DGKD: variants seen among roughly 807,000 people sequenced by gnomAD.
DGKD encodes the protein DAG kinase delta.
A neutral mutation model predicts 154.4 loss-of-function variants in DGKD; 68 were observed. The observed-to-expected ratio is 0.44, with a 90% CI of 0.36 to 0.54. DGKD has a LOEUF of 0.54. DGKD is among the 20% of genes least tolerant of loss of function. The pLI, the probability that DGKD is intolerant of heterozygous loss-of-function variation, is 0.00. For missense variants in DGKD, 1,343 were observed against 1,593.6 expected (o/e 0.84, Z 2.68); for synonymous variants, 693 against 638.0 (o/e 1.09, Z -1.30).
At chr2:233,369,119 C>G (rs901735751) in intron 1 of DGKD, among the ~76,000 whole-genome samples, 1 of 152,204 alleles carries the variant, frequency 6.6e-6, no homozygotes, top group Non-Finnish European at 1.5e-5. Flanking sequence ...GTCTCTGCCT[C>G]TCATATTGCA....
Position 233,441,265 on chromosome 2 carries a change from C to T in DGKD, c.1086-622C>T, listed in dbSNP as rs180835048. Among the ~76,000 whole-genome samples, 7 of 152,192 alleles carry T rather than the reference C, an allele frequency of 4.6e-5. No individual in the cohort carries two copies. In the East Asian group the frequency reaches 5.8e-4, roughly 13 times the overall value. On this transcript the variant is annotated intron_variant, in intron 9 of 29. Transcript: ENST00000264057. The surrounding 1 kb of genome is among the most constrained non-coding windows in gnomAD (Gnocchi z 5.6). ...ACCGAGGAGTTAGGAGGGTAGGAGG[C>T]GTGGGTCACATCACCGGAGGACTGA...
chr2:233,382,528 G>T (rs1702954950), intron 1 of DGKD, among the ~76,000 whole-genome samples: 1 of 151,928 alleles, frequency 6.6e-6, no homozygotes, highest in Non-Finnish European at 1.5e-5. Context: ...CAGTTTCCCA[G>T]CTGTCTGCCT....
chr2:233,440,414 G>A lies in DGKD; in HGVS notation c.1086-1473G>A, dbSNP rs1199598120. On this transcript the variant is annotated intron_variant, in intron 9 of 29. Coordinates refer to ENST00000264057, the MANE Select transcript of DGKD (RefSeq NM_152879.3). This position sits in a 1 kb window ranked among gnomAD's most constrained non-coding sequence, Gnocchi z 4.9. The stretch of plus-strand genomic sequence containing the variant: ...TGCGCAGGTGAGCCAGGCGGGGAGT[G>A]CAGATGCAGGGAATGGGTAGGAGCA... 6.6e-6 allele frequency among the ~76,000 whole-genome samples: 1 copy of A among 152,222 alleles called. No homozygotes were observed. Among genetic ancestry groups the A allele is most frequent in the Non-Finnish European group, 1.5e-5 (1 of 68,038 alleles).
At chr2:233,448,457 G>A in intron 14 of DGKD, 82 bp downstream of exon 14, 9 of 1,231,578 alleles carry the variant, frequency 7.3e-6, no homozygotes, top group Middle Eastern at 4.0e-4. Context: ...CGTGACTGCA[G>A]GTTGTCCAGG....
intron 3 of DGKD, among the ~76,000 whole-genome samples, chr2:233,414,619 A>G (rs1424352988): frequency 3.3e-5 from 5 of 152,162 alleles, no homozygotes; most frequent in Non-Finnish European, 7.4e-5. Context: ...TGTCTCAGGT[A>G]TCGTGGTCCT....
chr2:233,448,317 G>A lies in DGKD; in HGVS notation c.1556G>A (p.Gly519Glu). ...ETVKDFVARV[G>E]KAYEKTTESS... The stretch of plus-strand genomic sequence containing the variant: ...GTGAAGGACTTCGTGGCACGGGTGG[G>A]GAAGGCCTATGAGAAGACGACCGAG... The change falls in exon 14 of 30, where the codon GGG becomes GAG. Residue 519 changes from glycine to glutamate, a missense_variant. By Grantham distance (98) the Gly-to-Glu change is moderately conservative. This residue lies in a region of DGKD where 409 missense variants were observed against 446.0 expected (regional missense o/e 0.92). Coordinates refer to ENST00000264057, the MANE Select transcript of DGKD (RefSeq NM_152879.3). 2 of 1,614,154 alleles carry A rather than the reference G, an allele frequency of 1.2e-6. No homozygotes were observed. Among genetic ancestry groups the A allele is most frequent in the South Asian group, 2.2e-5 (2 of 91,076 alleles).
chr2:233,371,665 A>G (rs1285571376), intron 1 of DGKD, among the ~76,000 whole-genome samples: 2 of 152,208 alleles, frequency 1.3e-5, no homozygotes, highest in Non-Finnish European at 2.9e-5. Flanking sequence ...AGTTTCAGCT[A>G]TTATTAATAT....
At chr2:233,380,135 G>T (rs202021813) in intron 1 of DGKD, among the ~76,000 whole-genome samples, 1 of 152,148 alleles carries the variant, frequency 6.6e-6, no homozygotes, top group East Asian at 1.9e-4. Context: ...TCCTAGGTAG[G>T]CAATTAGAAA....
chr2:233,383,133 T>G (rs1702988316), intron 1 of DGKD, among the ~76,000 whole-genome samples: 1 of 151,822 alleles, frequency 6.6e-6, no homozygotes, highest in Admixed American at 6.6e-5. Context: ...CTCCGTCTGC[T>G]GGGTTCAAGC....
At position 233,390,470 on chromosome 2, in the gene DGKD, A is replaced by T; in HGVS notation, c.335A>T (p.Asn112Ile). Residue 112 changes from asparagine to isoleucine, a missense_variant, in exon 3 of 30, where the codon AAC becomes ATC. Asn to Ile is a moderately radical substitution (Grantham distance 149). Coordinates refer to ENST00000264057, the MANE Select transcript of DGKD (RefSeq NM_152879.3). ...GCTGAATCCAGTACCAAAAACGTCA[A>T]CAACAGTTTTACGGTAAGATTCCTC... is the stretch of plus-strand genomic sequence containing the variant. Reference protein sequence around the residue: ...SVAESSTKNVNNSFTVITPCR... With the variant: ...SVAESSTKNVINSFTVITPCR... 1 of 1,613,932 alleles carries T rather than the reference A, an allele frequency of 6.2e-7. No individual in the cohort carries two copies. Among genetic ancestry groups the T allele is most frequent in the Non-Finnish European group, 8.5e-7 (1 of 1,179,826 alleles).
In DGKD at chr2:233,440,828, T is replaced by C. The variant is rs1358413833; in HGVS notation, c.1086-1059T>C. 6.6e-6 allele frequency among the ~76,000 whole-genome samples: 1 copy of C among 152,078 alleles called. No individual in the cohort carries two copies. The highest frequency in any genetic ancestry group is 2.4e-5 in the African/African-American group (1 of 41,392). On this transcript the variant is annotated intron_variant, in intron 9 of 29. Transcript: ENST00000264057. This position sits in a 1 kb window ranked among gnomAD's most constrained non-coding sequence, Gnocchi z 4.9. ...ACTCATGGGGAGCTTTCAGGAAGGG[T>C]GTCAAGGTGACTGAGGCTCCTGTGG...
intron 3 of DGKD, among the ~76,000 whole-genome samples, chr2:233,432,461 C>T (rs1444825620): frequency 6.6e-6 from 1 of 151,008 alleles, no homozygotes; most frequent in East Asian, 2.0e-4. Context: ...AGATCGTGAC[C>T]ATCCTGGCTA....
chr2:233,437,349 C>G lies in DGKD; in HGVS notation c.820-28C>G, dbSNP rs566580453. On this transcript the variant is annotated intron_variant, in intron 7 of 29. Coordinates refer to ENST00000264057, the MANE Select transcript of DGKD (RefSeq NM_152879.3). ...GTGTGTGTGAAGGATGCCAGTGACC[C>G]TTGGTGACGCGGGGACTCTTGTTTC... is the stretch of plus-strand genomic sequence containing the variant. 7 of 1,604,636 alleles carry G rather than the reference C, an allele frequency of 4.4e-6. No homozygotes were observed. The South Asian group carries it at 6.6e-5, about 15-fold the overall frequency.
intron 1 of DGKD, among the ~76,000 whole-genome samples, chr2:233,369,906 G>A (rs1183799648): frequency 6.6e-6 from 1 of 152,156 alleles, no homozygotes; most frequent in Non-Finnish European, 1.5e-5. Context: ...CCTTTCCCCT[G>A]CAGGAAGGGC....
intron 1 of DGKD, among the ~76,000 whole-genome samples, chr2:233,361,435 T>G (rs1271456305): frequency 6.6e-6 from 1 of 152,206 alleles, no homozygotes; most frequent in African/African-American, 2.4e-5. Context: ...AGTCTGTTTG[T>G]ACGTTCATGA....
chr2:233,369,494 A>G (rs1402483895), intron 1 of DGKD, among the ~76,000 whole-genome samples: 2 of 152,178 alleles, frequency 1.3e-5, no homozygotes, highest in African/African-American at 2.4e-5. Flanking sequence ...ATCTTAGGAC[A>G]AGAATCACAT....
At chr2:233,369,849 C>T (rs942462490) in intron 1 of DGKD, among the ~76,000 whole-genome samples, 1 of 152,224 alleles carries the variant, frequency 6.6e-6, no homozygotes. Flanking sequence ...GCTGCCCACT[C>T]TGCTGGCTCT....
At chr2:233,421,025 C>T (rs1400053356) in intron 3 of DGKD, among the ~76,000 whole-genome samples, 1 of 152,170 alleles carries the variant, frequency 6.6e-6, no homozygotes, top group Non-Finnish European at 1.5e-5. Context: ...CTATCAGCAG[C>T]AGTGGTCACG....
intron 1 of DGKD, among the ~76,000 whole-genome samples, chr2:233,387,742 T>A (rs1415997302): frequency 6.6e-6 from 1 of 152,140 alleles, no homozygotes; most frequent in Admixed American, 6.5e-5. Flanking sequence ...ACGCCAGGCC[T>A]GTGAGTGGTG....
Sources: gnomAD v4.1 joint callset for allele counts (sites outside exome capture counted in the v4.1 genomes callset) on GRCh38, gnomAD v4.1.1 for gene constraint, gnomAD v4.1.1 regional missense constraint, Gnocchi (gnomAD v3.1) non-coding constraint, MANE v1.5 for transcripts, NCBI Gene and HGNC (gene_info 2026-07-23, HGNC 2026-07-21) for gene names.